The following NKTR variants were observed in gnomAD, a reference collection of about 807,000 sequenced individuals.
NKTR encodes NK-tumor recognition protein.
A neutral mutation model predicts 156.3 loss-of-function variants in NKTR; 67 were observed. The observed-to-expected ratio is 0.43, with a 90% CI of 0.35 to 0.53. NKTR has a LOEUF of 0.53. Ranked by LOEUF, NKTR falls within the 20% of genes least tolerant of loss-of-function variation. NKTR has a pLI of 0.01. For synonymous variants in NKTR, 640 were observed against 596.6 expected (o/e 1.07, Z -1.06); for missense variants, 1,604 against 1,730.9 (o/e 0.93, Z 1.30).
chr3:42,643,338 G>GGA lies in NKTR; in HGVS notation c.4143_4144dup (p.Thr1382ArgfsTer94), dbSNP rs1710061154. ...ATGGTCCTTCATGTGATTAATATTA[G>GGA]GACGTCCAGCAGGAGCAGATCCAGG... On this transcript the variant is annotated frameshift_variant and splice_region_variant. Transcript: ENST00000232978. LOFTEE classifies it high-confidence loss of function. 6.2e-7 allele frequency: 1 copy of GGA among 1,613,562 alleles called. No homozygotes were observed. Among genetic ancestry groups the GGA allele is most frequent in the African/African-American group, 1.3e-5 (1 of 74,876 alleles).
At chr3:42,605,708 G>A (rs761219580) in intron 2 of NKTR, among the ~76,000 whole-genome samples, 3 of 152,098 alleles carry the variant, frequency 2.0e-5, no homozygotes, top group South Asian at 2.1e-4. Flanking sequence ...ATGCATCTCC[G>A]CTCTCAAGGT....
chr3:42,638,182 G>C lies in NKTR; in HGVS notation c.2478G>C (p.Glu826Asp). ...VQATQSAQEK[E>D]KQGQMERTHN... ...CCACACAGTCAGCCCAGGAAAAAGAGAAGCAGGGCCAAATGGAAAGAACAC... is the reference window on the plus strand; with the variant it reads ...CCACACAGTCAGCCCAGGAAAAAGACAAGCAGGGCCAAATGGAAAGAACAC... Residue 826 changes from glutamate (E) to aspartate (D), a missense_variant, in exon 13 of 17, where the codon GAG becomes GAC. Glu to Asp is a conservative substitution (Grantham distance 45). Transcript: ENST00000232978. 2 of 1,612,162 alleles carry C rather than the reference G, an allele frequency of 1.2e-6. No individual in the cohort carries two copies. Among genetic ancestry groups the C allele is most frequent in the Non-Finnish European group, 1.7e-6 (2 of 1,179,590 alleles).
chr3:42,645,080 C>T (rs1710238147), intron 16 of NKTR, among the ~76,000 whole-genome samples: 1 of 152,106 alleles, frequency 6.6e-6, no homozygotes, highest in South Asian at 2.1e-4. Flanking sequence ...GTCCTCTTGA[C>T]TCAATATCCC....
rs1163840185 is a variant in NKTR at position 42,629,386 on chromosome 3, T to C, written c.375-1160T>C. ...ATTTTAATTTTTTTAAATTAAATTC[T>C]GTAGTGCTCTTACAGAACCGAATAT... On this transcript the variant is annotated intron_variant, in intron 6 of 16. Transcript: ENST00000232978. 6 of 932,330 alleles carry C rather than the reference T, an allele frequency of 6.4e-6. No individual in the cohort carries two copies. The African/African-American group carries it at 1.1e-4, about 17-fold the overall frequency. 57.8% of individuals were successfully genotyped at this position (932,330 alleles called of 1,614,324 possible).
At chr3:42,618,070 G>T (rs1044696497) in intron 3 of NKTR, among the ~76,000 whole-genome samples, 1 of 152,024 alleles carries the variant, frequency 6.6e-6, no homozygotes, top group African/African-American at 2.4e-5. Context: ...GAACAAACTG[G>T]CCGGGTGCGG....
chr3:42,639,535 C>G lies in NKTR; in HGVS notation c.3831C>G (p.Leu1277=). The G allele has an allele frequency of 1.2e-6, 2 of 1,614,152 alleles. No individual in the cohort carries two copies. Among genetic ancestry groups the G allele is most frequent in the Non-Finnish European group, 1.7e-6 (2 of 1,180,024 alleles). ...KSKNKVRPGS[L]FDEVRKTARL... ...AAAATAAAGTTCGGCCTGGGTCTCT[C>G]TTTGATGAAGTAAGAAAGACAGCAC... Residue 1277 remains leucine, a synonymous_variant, in exon 13 of 17, where the codon CTC becomes CTG. Coordinates refer to ENST00000232978, the MANE Select transcript of NKTR (RefSeq NM_005385.4).
At chr3:42,617,761 A>AC in intron 3 of NKTR, 117 bp downstream of exon 3, 2 of 583,752 alleles carry the variant, frequency 3.4e-6, no homozygotes, top group South Asian at 4.4e-5. Context: ...GTGAATTAAA[A>AC]AAAAAAAAGA....
Position 42,637,665 on chromosome 3 carries a change from A to G in NKTR, c.1961A>G (p.Asn654Ser). The G allele has an allele frequency of 3.1e-6, 5 of 1,613,452 alleles. No individual in the cohort carries two copies. Among genetic ancestry groups the G allele is most frequent in the Non-Finnish European group, 4.2e-6 (5 of 1,179,858 alleles). ...LPIQSTYSLA[N>S]IKETGSSSSY... is the part of the protein sequence containing the mutation. ...ATCCAAAGCACTTACAGTTTAGCAA[A>G]TATTAAAGAGACTGGTAGCTCATCA... The change falls in exon 13 of 17, where the codon AAT (asparagine) becomes AGT (serine). Residue 654 changes from asparagine to serine, a missense_variant. Physicochemically the swap from Asn to Ser is conservative, Grantham distance 46. This residue lies in a region of NKTR where 1,255 missense variants were observed against 1,243.7 expected (regional missense o/e 1.01). Coordinates refer to ENST00000232978, the MANE Select transcript of NKTR (RefSeq NM_005385.4).
chr3:42,610,034 G>T (rs1207161821), intron 2 of NKTR, among the ~76,000 whole-genome samples: 6 of 151,458 alleles, frequency 4.0e-5, no homozygotes, highest in Admixed American at 1.3e-4. Context: ...ACAGAGTTTC[G>T]CTCTTGTTGC....
At chr3:42,619,501 A>C in intron 4 of NKTR, 163 bp from the exon 5 acceptor site, 1 of 1,459,030 alleles carries the variant, frequency 6.9e-7, no homozygotes, top group Non-Finnish European at 9.0e-7. Context: ...GACTTGACAT[A>C]TATTTTACAG....
intron 6 of NKTR, chr3:42,629,236 C>A (rs1318688276): frequency 1.0e-6 from 1 of 981,298 alleles, no homozygotes. Context: ...CTTTTTGCTG[C>A]CTGTTTTTAT....
rs990547762 is a variant in NKTR at position 42,648,108 on chromosome 3, A to G, written c.*2133A>G. 1 of 152,260 alleles carries G rather than the reference A, an allele frequency of 6.6e-6. No individual in the cohort carries two copies. Among genetic ancestry groups the G allele is most frequent in the East Asian group, 1.9e-4 (1 of 5,178 alleles). 9.4% of individuals were successfully genotyped at this position (152,260 alleles called of 1,614,324 possible). A position where few individuals can be genotyped will look rare whatever the true frequency, so the allele number is the denominator to read the frequency against. On this transcript the variant is annotated 3_prime_UTR_variant, in exon 17 of 17. Coordinates refer to ENST00000232978, the MANE Select transcript of NKTR (RefSeq NM_005385.4). ...ATGTGGTCCCCTCCAGCTTCAAACC[A>G]GCCTTCCTGCTCTTTCTCATGCTTC... is the stretch of plus-strand genomic sequence containing the variant.
chr3:42,640,481 T>C (rs1381978096), intron 13 of NKTR, among the ~76,000 whole-genome samples: 1 of 152,238 alleles, frequency 6.6e-6, no homozygotes, highest in Non-Finnish European at 1.5e-5. Context: ...TTCTTAATTA[T>C]TCATATCCCT....
chr3:42,610,500 A>G lies in NKTR; in HGVS notation c.59-7070A>G, dbSNP rs150915717. ...AATGAATGTTGAATTTCTTTTTTTT[A>G]ATTTATATTTTTCTTTTTTAAAATT... On this transcript the variant is annotated intron_variant, in intron 2 of 16. Coordinates refer to ENST00000232978, the MANE Select transcript of NKTR (RefSeq NM_005385.4). 1.1e-4 allele frequency among the ~76,000 whole-genome samples: 16 copies of G among 151,998 alleles called. No individual in the cohort carries two copies. The East Asian group carries it at 3.1e-3, about 29-fold the overall frequency.
chr3:42,612,241 T>C (rs1432242938), intron 2 of NKTR: 1 of 152,102 alleles, frequency 6.6e-6, no homozygotes, highest in African/African-American at 2.4e-5. Flanking sequence ...TATTTGCTTG[T>C]GTATGAAAAG....
chr3:42,604,741 TG>T (rs1706054198), intron 2 of NKTR, among the ~76,000 whole-genome samples: 1 of 134,914 alleles, frequency 7.4e-6, no homozygotes, highest in Non-Finnish European at 1.5e-5. Flanking sequence ...AATGCTGGAG[TG>T]CAGTGGCATG....
At chr3:42,612,249 A>G (rs1706903286) in intron 2 of NKTR, 1 of 152,100 alleles carries the variant, frequency 6.6e-6, no homozygotes, top group Non-Finnish European at 1.5e-5. Context: ...TGTGTATGAA[A>G]AGAAACTGGA....
At chr3:42,619,784 A>G in intron 5 of NKTR, 76 bp downstream of exon 5, 14 of 1,577,432 alleles carry the variant, frequency 8.9e-6, no homozygotes, top group Non-Finnish European at 1.2e-5. Flanking sequence ...TTTTAATGAG[A>G]AGAGGTTTAC....
At chr3:42,627,988 C>T (rs761063334) in intron 6 of NKTR, 35 of 985,104 alleles carry the variant, frequency 3.6e-5, no homozygotes, top group African/African-American at 1.2e-4. Context: ...TATTTCTCTC[C>T]GCCCTTTTGT....
Sources: allele counts gnomAD v4.1 joint callset (sites outside exome capture counted in the v4.1 genomes callset), GRCh38; gene constraint gnomAD v4.1.1; regional missense constraint gnomAD v4.1.1; transcripts MANE v1.5; gene names NCBI Gene and HGNC (gene_info 2026-07-23, HGNC 2026-07-21).